The following CLNK variants were observed in gnomAD, a reference collection of about 807,000 sequenced individuals.
CLNK encodes cytokine dependent hematopoietic cell linker, also known as cytokine-dependent hematopoietic cell linker.
CLNK carries 74 observed loss-of-function variants against 68.6 expected under a neutral mutation model. The ratio of observed to expected loss-of-function variants is 1.08; its 90% CI spans 0.89 to 1.31. CLNK has a LOEUF of 1.31. Among genes scored for constraint, CLNK ranks in the 50% most tolerant of loss-of-function variants. CLNK has a pLI of 0.00. For missense variants in CLNK, 553 were observed against 515.3 expected (o/e 1.07, Z -0.71); for synonymous variants, 198 against 172.2 (o/e 1.15, Z -1.17).
intron 17 of CLNK, among the ~76,000 whole-genome samples, 166 bp downstream of exon 17, chr4:10,507,793 A>AT (rs1344032634): frequency 6.6e-6 from 1 of 152,144 alleles, no homozygotes; most frequent in Non-Finnish European, 1.5e-5. Context: ...GAAACTCTCC[A>AT]TGTTAAATGC....
At chr4:10,510,188 G>A (rs1334292136) in intron 16 of CLNK, among the ~76,000 whole-genome samples, 3 of 152,168 alleles carry the variant, frequency 2.0e-5, no homozygotes, top group Non-Finnish European at 4.4e-5. Context: ...GAGTGTAGCT[G>A]GTGCTCAGAA....
intron 2 of CLNK, among the ~76,000 whole-genome samples, chr4:10,648,549 G>A (rs1723602567): frequency 6.6e-6 from 1 of 152,164 alleles, no homozygotes; most frequent in African/African-American, 2.4e-5. Flanking sequence ...ATGATCAAAT[G>A]TTCTGCTACT....
At chr4:10,729,926 A>G in the CLNK span, among the ~76,000 whole-genome samples, 142 of 152,354 alleles carry the variant, frequency 9.3e-4, 1 homozygote, top group African/African-American at 3.2e-3. Flanking sequence ...ATTCAGTATC[A>G]AGACAATACT....
At position 10,487,367 on chromosome 4, in the gene CLNK, C is replaced by T. The variant is rs1419201349; in HGVS notation, c.*3100G>A. 2 of 152,216 alleles carry T rather than the reference C, an allele frequency of 1.3e-5. No homozygotes were observed. Among genetic ancestry groups the T allele is most frequent in the African/African-American group, 4.8e-5 (2 of 41,452 alleles). 9.4% of individuals were successfully genotyped at this position (152,216 alleles called of 1,614,324 possible). ...AAAATGCATTAGAAATAGCTGCCCT[C>T]TCTTCTTTACAGAAGTGTTGTAAGA... On this transcript the variant is annotated 3_prime_UTR_variant, in exon 19 of 19. Transcript: ENST00000226951.
intron 7 of CLNK, among the ~76,000 whole-genome samples, chr4:10,561,900 A>G (rs1719900500): frequency 6.6e-6 from 1 of 152,108 alleles, no homozygotes; most frequent in South Asian, 2.1e-4. Context: ...CAAATGATTG[A>G]AAGTTTGTTA....
chr4:10,522,537 G>A (rs1244715022), intron 14 of CLNK, among the ~76,000 whole-genome samples: 9 of 134,444 alleles, frequency 6.7e-5, no homozygotes, highest in African/African-American at 2.6e-4. Context: ...TCGTACCACT[G>A]CACCCCAGCC....
intron 2 of CLNK, among the ~76,000 whole-genome samples, chr4:10,620,929 C>T (rs1365405787): frequency 2.2e-5 from 3 of 138,484 alleles, no homozygotes; most frequent in African/African-American, 5.2e-5. Flanking sequence ...GGTGAAGCCC[C>T]GTCTCTACTA....
At chr4:10,671,222 TA>T (rs1724622679) in intron 1 of CLNK, among the ~76,000 whole-genome samples, 2 of 151,908 alleles carry the variant, frequency 1.3e-5, no homozygotes, top group African/African-American at 4.8e-5. Context: ...CCGTCTCTAC[TA>T]AAAATACAAA....
At chr4:10,648,586 G>T (rs575858501) in intron 2 of CLNK, among the ~76,000 whole-genome samples, 1 of 152,164 alleles carries the variant, frequency 6.6e-6, no homozygotes, top group Non-Finnish European at 1.5e-5. Context: ...GAAAGATGGT[G>T]GAGAAAATTG....
intron 2 of CLNK, among the ~76,000 whole-genome samples, chr4:10,666,677 G>C (rs929499279): frequency 6.6e-6 from 1 of 152,220 alleles, no homozygotes; most frequent in Non-Finnish European, 1.5e-5. Flanking sequence ...GGAGGAAAAG[G>C]AGGTCACAAC....
At chr4:10,679,275 A>G (rs879017895) in intron 1 of CLNK, among the ~76,000 whole-genome samples, 1 of 152,136 alleles carries the variant, frequency 6.6e-6, no homozygotes, top group Admixed American at 6.5e-5. Flanking sequence ...AAAGGATTCC[A>G]TATTTAATAA....
intron 8 of CLNK, among the ~76,000 whole-genome samples, chr4:10,554,264 A>G (rs527636802): frequency 2.2e-4 from 33 of 152,344 alleles, no homozygotes; most frequent in Admixed American, 2.6e-4. Context: ...TTATGCGTGT[A>G]TTTCAAGTCA....
the CLNK span, among the ~76,000 whole-genome samples, chr4:10,724,242 C>T: frequency 1.9e-3 from 284 of 152,194 alleles, no homozygotes; most frequent in African/African-American, 6.4e-3. Flanking sequence ...GTTTCATCTG[C>T]CCAGGATGCT....
At chr4:10,531,710 G>A in intron 12 of CLNK, 2 of 456,636 alleles carry the variant, frequency 4.4e-6, no homozygotes, top group South Asian at 1.5e-5. Flanking sequence ...CAAAGTGCTG[G>A]GATTACAGGC....
chr4:10,615,867 G>A (rs1179838078), intron 2 of CLNK, among the ~76,000 whole-genome samples: 1 of 152,192 alleles, frequency 6.6e-6, no homozygotes, highest in African/African-American at 2.4e-5. Flanking sequence ...AACAAAGGAG[G>A]CATTCAATGT....
chr4:10,665,121 T>C (rs1490893567), intron 2 of CLNK, among the ~76,000 whole-genome samples: 1 of 152,182 alleles, frequency 6.6e-6, no homozygotes, highest in Non-Finnish European at 1.5e-5. Context: ...CGTGGACTCA[T>C]CCTAATGGGA....
intron 2 of CLNK, among the ~76,000 whole-genome samples, chr4:10,602,319 G>T (rs1721616060): frequency 6.6e-6 from 1 of 152,144 alleles, no homozygotes; most frequent in Non-Finnish European, 1.5e-5. Context: ...CAAGGTGTAT[G>T]TCTACCCCAA....
In CLNK at chr4:10,495,944, A is replaced by G. The variant is rs531208513; in HGVS notation, c.1140+5312T>C. ...CCACGGAAAGCTGGAAGAGGCCAGG[A>G]GTGATTCTCCCCTGGAGCCTCCAGA... On this transcript the variant is annotated intron_variant, in intron 18 of 18. Coordinates refer to ENST00000226951, the MANE Select transcript of CLNK (RefSeq NM_052964.4). Among the ~76,000 whole-genome samples, 53 of 152,310 alleles carry G rather than the reference A, an allele frequency of 3.5e-4. 2 individuals are homozygous for G. The South Asian group carries it at 7.5e-3, about 21-fold the overall frequency.
chr4:10,495,051 T>C, intron 18 of CLNK, among the ~76,000 whole-genome samples: 1 of 151,720 alleles, frequency 6.6e-6, no homozygotes, highest in East Asian at 1.9e-4. Flanking sequence ...GAGAGATAAA[T>C]GCCAAGCAAG....
Sources: gnomAD v4.1 joint callset for allele counts (sites outside exome capture counted in the v4.1 genomes callset) on GRCh38, gnomAD v4.1.1 for gene constraint, MANE v1.5 for transcripts, NCBI Gene and HGNC (gene_info 2026-07-23, HGNC 2026-07-21) for gene names.